Variants in KCNQ5 observed in about 807,000 individuals in gnomAD.
KCNQ5 encodes potassium voltage-gated channel subfamily Q member 5.
A neutral mutation model predicts 98.2 loss-of-function variants in KCNQ5; 30 were observed. That is an observed-to-expected ratio of 0.31 (90% CI 0.23 to 0.41). KCNQ5 has a LOEUF of 0.41. Ranked by LOEUF, KCNQ5 falls within the 10% of genes least tolerant of loss-of-function variation. The probability of loss-of-function intolerance (pLI) is 1.00; values close to 1 mark genes in which losing one functional copy is unlikely to be tolerated. For synonymous variants in KCNQ5, 458 were observed against 449.4 expected (o/e 1.02, Z -0.24); for missense variants, 835 against 1,182.5 (o/e 0.71, Z 4.31).
At chr6:72,806,837 A>C (rs1308955348) in intron 1 of KCNQ5, 1 of 447,844 alleles carries the variant, frequency 2.2e-6, no homozygotes, top group African/African-American at 2.0e-5. Flanking sequence ...CTTCCTTTCA[A>C]ATTTTATTTA....
intron 1 of KCNQ5, among the ~76,000 whole-genome samples, chr6:72,884,346 G>C (rs556741693): frequency 6.6e-6 from 1 of 151,920 alleles, no homozygotes; most frequent in East Asian, 1.9e-4. Context: ...CCTTTTAAAG[G>C]GTTTAGGAAA....
At chr6:72,688,334 A>G (rs541784553) in intron 1 of KCNQ5, among the ~76,000 whole-genome samples, 8 of 152,202 alleles carry the variant, frequency 5.3e-5, no homozygotes, top group Non-Finnish European at 1.2e-4. Flanking sequence ...TTTCTTTCCC[A>G]TTGTCTAAGT....
chr6:72,692,995 T>A (rs1415318625), intron 1 of KCNQ5, among the ~76,000 whole-genome samples: 1 of 152,170 alleles, frequency 6.6e-6, no homozygotes, highest in Non-Finnish European at 1.5e-5. Flanking sequence ...TTCTGTAAAT[T>A]GTTGGGAAAT....
At position 72,665,738 on chromosome 6, in the gene KCNQ5, C is replaced by T. The variant is rs192682781; in HGVS notation, c.398+43151C>T. Among the ~76,000 whole-genome samples, 105 of 152,208 alleles carry T rather than the reference C, an allele frequency of 6.9e-4. 1 individual carries two copies. Among genetic ancestry groups the T allele is most frequent in the African/African-American group, 2.4e-3 (100 of 41,510 alleles). The stretch of plus-strand genomic sequence containing the variant: ...GTTGGCACAGATCATAAAGAGTTGC[C>T]GCATGAGGGTGATTATAGGGTGCCA... On this transcript the variant is annotated intron_variant, in intron 1 of 13. Transcript: ENST00000370398.
chr6:73,101,920 A>G (rs1024021414), intron 5 of KCNQ5, among the ~76,000 whole-genome samples: 5 of 152,234 alleles, frequency 3.3e-5, no homozygotes, highest in African/African-American at 4.8e-5. Flanking sequence ...ATATGGAACC[A>G]GAAAATACCC....
chr6:72,744,529 G>T (rs1387979515), intron 1 of KCNQ5, among the ~76,000 whole-genome samples: 2 of 152,132 alleles, frequency 1.3e-5, no homozygotes, highest in African/African-American at 2.4e-5. Flanking sequence ...GTGGTAAGAG[G>T]GCCAGGCACG....
rs1562194858 is a variant in KCNQ5, at chr6:73,127,039, CTTG to C, written c.1247+2532_1247+2534del. On this transcript the variant is annotated intron_variant, in intron 9 of 13. Transcript: ENST00000370398. ...CATTTAATATTATGTAAGCTTTCACCTTGTTGTGCTCCATACACAGAATTTATA... is the reference window on the plus strand; with the variant it reads ...CATTTAATATTATGTAAGCTTTCACCTTGTGCTCCATACACAGAATTTATA... Among the ~76,000 whole-genome samples the C allele has an allele frequency of 2.0e-5, 3 of 152,238 alleles. No homozygotes were observed. In the East Asian group the frequency reaches 5.8e-4, roughly 29 times the overall value.
intron 1 of KCNQ5, among the ~76,000 whole-genome samples, chr6:72,799,987 G>A (rs193255291): frequency 1.1e-4 from 16 of 151,846 alleles, no homozygotes; most frequent in Non-Finnish European, 2.4e-4. Context: ...TATATTTTAA[G>A]GCCATTTAGA....
At chr6:72,748,407 A>G (rs1771511252) in intron 1 of KCNQ5, among the ~76,000 whole-genome samples, 1 of 152,138 alleles carries the variant, frequency 6.6e-6, no homozygotes, top group African/African-American at 2.4e-5. Context: ...ACAGCCTGTT[A>G]TGAATGAGAA....
intron 1 of KCNQ5, among the ~76,000 whole-genome samples, chr6:72,658,580 T>TATATATATATATATATATA (rs35213829): frequency 1.5e-5 from 1 of 64,864 alleles, no homozygotes; most frequent in Admixed American, 1.7e-4. Flanking sequence ...ATATATATAT[T>TATATATATATATATATATA]TTTTTTTTTT....
At chr6:73,066,868 CT>C (rs1482398048) in intron 3 of KCNQ5, among the ~76,000 whole-genome samples, 1 of 152,056 alleles carries the variant, frequency 6.6e-6, no homozygotes, top group Non-Finnish European at 1.5e-5. Context: ...ACTTCTATTC[CT>C]TCTTATCTTG....
intron 1 of KCNQ5, among the ~76,000 whole-genome samples, chr6:72,851,532 T>C (rs9446770): frequency 0.02 from 2,974 of 152,216 alleles, 87 homozygotes; most frequent in African/African-American, 0.064. Flanking sequence ...TAAACTATTA[T>C]TGTCATGGCT....
chr6:73,014,596 A>G (rs1770231845), intron 2 of KCNQ5, among the ~76,000 whole-genome samples: 1 of 152,106 alleles, frequency 6.6e-6, no homozygotes, highest in Non-Finnish European at 1.5e-5. Flanking sequence ...CAAAGTAAAC[A>G]TGGGTTTATT....
At chr6:72,902,243 GA>G (rs1337472958) in intron 1 of KCNQ5, among the ~76,000 whole-genome samples, 1 of 152,164 alleles carries the variant, frequency 6.6e-6, no homozygotes, top group African/African-American at 2.4e-5. Context: ...ACTTTCTGGA[GA>G]AGTCTTTAGG....
intron 1 of KCNQ5, among the ~76,000 whole-genome samples, chr6:72,765,033 T>C (rs1308657519): frequency 6.6e-6 from 1 of 152,094 alleles, no homozygotes; most frequent in African/African-American, 2.4e-5. Flanking sequence ...TGATGAACAC[T>C]TAGGTTGCTT....
chr6:72,768,416 A>T (rs1304509576), intron 1 of KCNQ5, among the ~76,000 whole-genome samples: 1 of 152,060 alleles, frequency 6.6e-6, no homozygotes, highest in African/African-American at 2.4e-5. Flanking sequence ...TGCTTTGAAG[A>T]CAAACAGAAT....
chr6:72,846,144 T>A (rs1279625730), intron 1 of KCNQ5, among the ~76,000 whole-genome samples: 1 of 152,110 alleles, frequency 6.6e-6, no homozygotes, highest in Non-Finnish European at 1.5e-5. Context: ...TTAGAGGAAA[T>A]CATCAAACAA....
At chr6:73,137,308 A>T (rs1776512842) in intron 10 of KCNQ5, among the ~76,000 whole-genome samples, 1 of 152,210 alleles carries the variant, frequency 6.6e-6, no homozygotes, top group Non-Finnish European at 1.5e-5. Flanking sequence ...TCAATATTCC[A>T]TACTTGTGTG....
At chr6:72,766,167 G>A (rs1772559614) in intron 1 of KCNQ5, among the ~76,000 whole-genome samples, 1 of 151,938 alleles carries the variant, frequency 6.6e-6, no homozygotes, top group Non-Finnish European at 1.5e-5. Context: ...CAGTTGTCTG[G>A]GACAAAAGGG....
Sources: allele counts gnomAD v4.1 joint callset (sites outside exome capture counted in the v4.1 genomes callset), GRCh38; gene constraint gnomAD v4.1.1; transcripts MANE v1.5; gene names NCBI Gene and HGNC (gene_info 2026-07-23, HGNC 2026-07-21).